Variants in ADCY10 observed in about 807,000 individuals in gnomAD.
ADCY10 encodes adenylate cyclase type 10.
ADCY10 carries 156 observed loss-of-function variants against 183.3 expected under a neutral mutation model. That is an observed-to-expected ratio of 0.85 (90% CI 0.75 to 0.97). ADCY10 has a LOEUF of 0.97. Among genes scored for constraint, ADCY10 ranks in the 50% least tolerant of loss-of-function variants. The probability of loss-of-function intolerance (pLI) is 0.00; values close to 1 mark genes in which losing one functional copy is unlikely to be tolerated. For missense variants in ADCY10, 1,745 were observed against 1,934.3 expected, an observed-to-expected ratio of 0.90 and a Z score of 1.84; for synonymous variants, 645 against 670.0, an observed-to-expected ratio of 0.96 and a Z score of 0.58.
At chr1:167,871,759 T>C (rs1320692618) in intron 13 of ADCY10, among the ~76,000 whole-genome samples, 1 of 152,240 alleles carries the variant, frequency 6.6e-6, no homozygotes. Context: ...CTTGGTAATA[T>C]ACATTTCTGA....
At chr1:167,861,738 T>A (rs1249299897) in intron 14 of ADCY10, among the ~76,000 whole-genome samples, 1 of 152,242 alleles carries the variant, frequency 6.6e-6, no homozygotes, top group Non-Finnish European at 1.5e-5. Flanking sequence ...TTTAATGCTA[T>A]CTGATATGGT....
At chr1:167,854,840 G>A (rs1665769298) in intron 17 of ADCY10, among the ~76,000 whole-genome samples, 1 of 150,342 alleles carries the variant, frequency 6.7e-6, no homozygotes, top group African/African-American at 2.4e-5. Flanking sequence ...GAGAGAGGGG[G>A]AGAGAGAGAG....
chr1:167,813,167 A>G (rs1662323807), intron 31 of ADCY10, among the ~76,000 whole-genome samples: 1 of 152,216 alleles, frequency 6.6e-6, no homozygotes, highest in Admixed American at 6.5e-5. Flanking sequence ...AACAAACTCC[A>G]AGTAAGATAA....
intron 19 of ADCY10, among the ~76,000 whole-genome samples, chr1:167,847,981 G>T (rs1205194505): frequency 6.6e-6 from 1 of 152,162 alleles, no homozygotes; most frequent in Non-Finnish European, 1.5e-5. Context: ...CAATGTTGCT[G>T]TTTTTCTTTT....
intron 1 of ADCY10, among the ~76,000 whole-genome samples, chr1:167,911,832 T>G (rs1362523039): frequency 6.6e-6 from 1 of 152,234 alleles, no homozygotes; most frequent in Non-Finnish European, 1.5e-5. Context: ...AAGATTCTAT[T>G]GTTTTAATTA....
At position 167,848,434 on chromosome 1, in the gene ADCY10, C is replaced by T. The variant is rs756505446; in HGVS notation, c.2364G>A (p.Lys788=). ...KLNMVTLHSD[K]ESEEVCHLTS... ...TGAGGTGACAGACTTCTTCACTTTC[C>T]TTATCACTATGGAGAGTAACCATGT... Residue 788 remains lysine, a synonymous_variant, in exon 19 of 33, where the codon AAG becomes AAA. Transcript: ENST00000367851. 1.9e-6 allele frequency: 3 copies of T among 1,613,940 alleles called. No individual in the cohort carries two copies. The highest frequency in any genetic ancestry group is 1.1e-5 in the South Asian group (1 of 91,080).
At chr1:167,863,353 G>A (rs1666426561) in intron 14 of ADCY10, among the ~76,000 whole-genome samples, 1 of 152,160 alleles carries the variant, frequency 6.6e-6, no homozygotes, top group Admixed American at 6.5e-5. Context: ...GACCACCGGT[G>A]CTCACAGCCC....
chr1:167,836,588 T>C, intron 22 of ADCY10, 48 bp from the exon 23 acceptor site: 5 of 1,343,162 alleles, frequency 3.7e-6, no homozygotes, highest in Non-Finnish European at 5.3e-6. Context: ...AGTATCACTT[T>C]TGATATTAAA....
intron 14 of ADCY10, among the ~76,000 whole-genome samples, chr1:167,869,742 C>T (rs1027589772): frequency 2.6e-5 from 4 of 152,166 alleles, no homozygotes; most frequent in African/African-American, 7.2e-5. Flanking sequence ...CCCTCTCATG[C>T]AGACCCCCTT....
At chr1:167,912,176 T>A (rs1557844022) in intron 1 of ADCY10, among the ~76,000 whole-genome samples, 1 of 152,230 alleles carries the variant, frequency 6.6e-6, no homozygotes, top group Non-Finnish European at 1.5e-5. Context: ...TGAAGCATTC[T>A]ATTGTAGGAG....
chr1:167,853,901 C>T (rs1211718997), intron 18 of ADCY10, among the ~76,000 whole-genome samples: 1 of 132,876 alleles, frequency 7.5e-6, no homozygotes, highest in Non-Finnish European at 1.5e-5. Context: ...TGCAGTGGTG[C>T]AATCTCAGCT....
At chr1:167,860,224 T>G (rs938545665) in intron 15 of ADCY10, among the ~76,000 whole-genome samples, 6 of 152,142 alleles carry the variant, frequency 3.9e-5, no homozygotes, top group Non-Finnish European at 7.4e-5. Flanking sequence ...CTTGTTTCCT[T>G]GCAACTAGAT....
chr1:167,818,814 C>T (rs1662691128), intron 30 of ADCY10, among the ~76,000 whole-genome samples: 1 of 152,216 alleles, frequency 6.6e-6, no homozygotes, highest in African/African-American at 2.4e-5. Flanking sequence ...GCTGGGATTA[C>T]AGGCTGTGCC....
chr1:167,819,555 A>AT (rs909759210), intron 30 of ADCY10, among the ~76,000 whole-genome samples: 19 of 140,884 alleles, frequency 1.3e-4, no homozygotes, highest in East Asian at 6.4e-4. Context: ...TGATTTTTTT[A>AT]TTTTTTATTT....
intron 6 of ADCY10, 43 bp downstream of exon 6, chr1:167,899,380 A>G (rs753871630): frequency 6.3e-7 from 1 of 1,598,426 alleles, no homozygotes; most frequent in Non-Finnish European, 8.6e-7. Flanking sequence ...GGCCTCTGTT[A>G]CAGGCTGGCA....
chr1:167,815,554 C>T (rs975052360), intron 31 of ADCY10, among the ~76,000 whole-genome samples: 1 of 152,118 alleles, frequency 6.6e-6, no homozygotes, highest in African/African-American at 2.4e-5. Flanking sequence ...GAATGCTTTC[C>T]CTCTCCTCAC....
At chr1:167,905,245 C>A in intron 1 of ADCY10, 47 bp from the exon 2 acceptor site, 2 of 1,327,610 alleles carry the variant, frequency 1.5e-6, no homozygotes, top group Non-Finnish European at 2.2e-6. Flanking sequence ...TTCATTTGCT[C>A]ATTTTCCTAT....
At chr1:167,901,601 G>A (rs1035956676) in intron 5 of ADCY10, 61 bp downstream of exon 5, 24 of 1,519,172 alleles carry the variant, frequency 1.6e-5, no homozygotes, top group East Asian at 4.5e-5. Flanking sequence ...AGAGAGAGAT[G>A]CCCCAGGAGT....
intron 6 of ADCY10, among the ~76,000 whole-genome samples, chr1:167,898,879 T>G (rs1669197480): frequency 6.6e-6 from 1 of 152,170 alleles, no homozygotes; most frequent in South Asian, 2.1e-4. Flanking sequence ...CACAGCTTTT[T>G]TAATTGTCCA....
Sources: allele counts gnomAD v4.1 joint callset (sites outside exome capture counted in the v4.1 genomes callset), GRCh38; gene constraint gnomAD v4.1.1; transcripts MANE v1.5; gene names NCBI Gene and HGNC (gene_info 2026-07-23, HGNC 2026-07-21).